The following ANKRD30A variants were observed in gnomAD, a reference collection of about 807,000 sequenced individuals.
ANKRD30A encodes the protein ankyrin repeat domain 30A.
ANKRD30A carries 170 observed loss-of-function variants against 166.3 expected under a neutral mutation model. The observed-to-expected ratio is 1.02, with a 90% CI of 0.90 to 1.16. The LOEUF is 1.16. Among genes scored for constraint, ANKRD30A ranks in the 50% most tolerant of loss-of-function variants. The probability of loss-of-function intolerance (pLI) is 0.00; values close to 1 mark genes in which losing one functional copy is unlikely to be tolerated. For missense variants in ANKRD30A, 1,630 were observed against 1,518.0 expected (o/e 1.07, Z -1.23); for synonymous variants, 564 against 508.9 (o/e 1.11, Z -1.46).
intron 27 of ANKRD30A, among the ~76,000 whole-genome samples, chr10:37,193,601 T>C (rs1472829927): frequency 2.0e-5 from 3 of 152,120 alleles, no homozygotes; most frequent in African/African-American, 4.8e-5. Context: ...ATTGGAATTC[T>C]GATGTTTACT....
At chr10:37,245,026 G>T in the ANKRD30A span, among the ~76,000 whole-genome samples, 1 of 152,132 alleles carries the variant, frequency 6.6e-6, no homozygotes, top group African/African-American at 2.4e-5. Context: ...GCAGAGCAAG[G>T]ATTTTGATTG....
intron 31 of ANKRD30A, among the ~76,000 whole-genome samples, chr10:37,213,522 C>CTGCTTCCA (rs1224256932): frequency 1.3e-5 from 2 of 150,654 alleles, no homozygotes; most frequent in African/African-American, 4.9e-5. Flanking sequence ...TTCCTTTCCT[C>CTGCTTCCA]TGCTTCCACT....
At position 37,136,589 on chromosome 10, in the gene ANKRD30A, T is replaced by A; in HGVS notation, c.756-18T>A. On this transcript the variant is annotated intron_variant, in intron 5 of 35. Coordinates refer to ENST00000361713, the MANE Select transcript of ANKRD30A (RefSeq NM_052997.3). Reference sequence around the variant, plus strand: ...AGTGTTAAAATGGTAATTTTATTTATCACATTTTTATACATAGCATTCATG... The same window carrying A: ...AGTGTTAAAATGGTAATTTTATTTAACACATTTTTATACATAGCATTCATG... 1 of 1,175,636 alleles carries A rather than the reference T, an allele frequency of 8.5e-7. No homozygotes were observed. The highest frequency in any genetic ancestry group is 1.6e-5 in the African/African-American group (1 of 63,436). The allele number at this position is 1,175,636 out of a possible 1,614,324, so 72.8% of individuals were successfully genotyped here. A position where few individuals can be genotyped will look rare whatever the true frequency, so the allele number is the denominator to read the frequency against.
At chr10:37,165,482 T>C (rs1401260758) in intron 18 of ANKRD30A, among the ~76,000 whole-genome samples, 4 of 152,198 alleles carry the variant, frequency 2.6e-5, no homozygotes, top group Non-Finnish European at 4.4e-5. Flanking sequence ...TATGGGCAAA[T>C]ATATGATTCT....
chr10:37,203,988 A>G (rs1036488615), intron 31 of ANKRD30A, among the ~76,000 whole-genome samples: 1 of 152,174 alleles, frequency 6.6e-6, no homozygotes, highest in African/African-American at 2.4e-5. Context: ...GAAATAAAAG[A>G]GGACACAAAC....
chr10:37,125,686 C>A lies in ANKRD30A; in HGVS notation c.-102C>A. 6.6e-6 allele frequency: 3 copies of A among 453,842 alleles called. No individual in the cohort carries two copies. In the South Asian group the frequency reaches 7.4e-5, roughly 11 times the overall value. 28.1% of individuals were successfully genotyped at this position (453,842 alleles called of 1,614,324 possible). On this transcript the variant is annotated 5_prime_UTR_variant, in exon 1 of 36. Coordinates refer to ENST00000361713, the MANE Select transcript of ANKRD30A (RefSeq NM_052997.3). ...ACTTTTTACGGGTATCGAGGCGGTG[C>A]GTGGACTGAAGAAGGGCGAGGGCGA...
intron 34 of ANKRD30A, among the ~76,000 whole-genome samples, chr10:37,225,142 GTTT>G (rs1398529238): frequency 6.6e-6 from 1 of 150,728 alleles, no homozygotes; most frequent in East Asian, 2.0e-4. Flanking sequence ...AATATTAATA[GTTT>G]ATATATAAAA....
At chr10:37,135,445 A>C (rs1328864163) in intron 5 of ANKRD30A, 2 of 152,254 alleles carry the variant, frequency 1.3e-5, no homozygotes, top group Non-Finnish European at 2.9e-5. Context: ...TGTGATTTTC[A>C]TACAAAAAAT....
intron 5 of ANKRD30A, 22 bp downstream of exon 5, chr10:37,134,075 C>A: frequency 6.2e-7 from 1 of 1,610,848 alleles, no homozygotes; most frequent in Non-Finnish European, 8.5e-7. Context: ...CGTTTAGAGG[C>A]TAGGTGAGAT....
At chr10:37,251,560 T>A in the ANKRD30A span, among the ~76,000 whole-genome samples, 1 of 152,146 alleles carries the variant, frequency 6.6e-6, no homozygotes, top group African/African-American at 2.4e-5. Flanking sequence ...CTAAAGTTGC[T>A]AAAGTGGCTT....
chr10:37,221,251 G>T (rs1480534437), intron 34 of ANKRD30A, among the ~76,000 whole-genome samples: 1 of 150,700 alleles, frequency 6.6e-6, no homozygotes. Context: ...ATATATTTGG[G>T]GATATTTTTG....
At chr10:37,157,944 T>A (rs1200882) in intron 13 of ANKRD30A, among the ~76,000 whole-genome samples, 56,459 of 150,956 alleles carry the variant, frequency 0.37, 10,862 homozygotes, top group Admixed American at 0.42. Flanking sequence ...ACATAATAGC[T>A]ACATGTATAT....
At chr10:37,204,867 A>G (rs749532845) in intron 31 of ANKRD30A, among the ~76,000 whole-genome samples, 12 of 152,220 alleles carry the variant, frequency 7.9e-5, no homozygotes, top group Non-Finnish European at 1.6e-4. Flanking sequence ...ATCACCTGTC[A>G]TCAGAGAAAT....
chr10:37,136,144 G>T (rs372994470), intron 5 of ANKRD30A, among the ~76,000 whole-genome samples: 163 of 152,226 alleles, frequency 1.1e-3, no homozygotes, highest in Non-Finnish European at 2.0e-3. Context: ...TTAGGTTCAA[G>T]AACAAATTAT....
At position 37,199,653 on chromosome 10, in the gene ANKRD30A, A is replaced by G. The variant is rs1294221964; in HGVS notation, c.2717-74A>G. 65 of 980,486 alleles carry G rather than the reference A, an allele frequency of 6.6e-5. No homozygotes were observed. The South Asian group carries it at 7.2e-4, about 11-fold the overall frequency. The allele number at this position is 980,486 out of a possible 1,614,324, so 60.7% of individuals were successfully genotyped here. On this transcript the variant is annotated intron_variant, in intron 29 of 35. Coordinates refer to ENST00000361713, the MANE Select transcript of ANKRD30A (RefSeq NM_052997.3). ...GAACCACAGATTCGTGAATGAAAGTAGATTTGTATATGTTTTTAAAATGTA... is the reference window on the plus strand; with the variant it reads ...GAACCACAGATTCGTGAATGAAAGTGGATTTGTATATGTTTTTAAAATGTA...
intron 34 of ANKRD30A, among the ~76,000 whole-genome samples, chr10:37,221,483 T>C (rs1287099980): frequency 6.6e-6 from 1 of 151,216 alleles, no homozygotes; most frequent in Non-Finnish European, 1.5e-5. Flanking sequence ...AAGTATGCAT[T>C]AAATGTAACA....
Position 37,219,678 on chromosome 10 carries a change from A to G in ANKRD30A, c.3966A>G (p.Lys1322=), listed in dbSNP as rs2132744544. Reference sequence around the variant, plus strand: ...AACAGCAGGAGTCTCTAGATCAGAAATTATTTCAACTACAAAGCAAAAATA... The same window carrying G: ...AACAGCAGGAGTCTCTAGATCAGAAGTTATTTCAACTACAAAGCAAAAATA... ...HTEQQESLDQ[K]LFQLQSKNMW... Residue 1322 remains lysine (K), a synonymous_variant, in exon 34 of 36, where the codon AAA becomes AAG. Coordinates refer to ENST00000361713, the MANE Select transcript of ANKRD30A (RefSeq NM_052997.3). 1 of 1,609,620 alleles carries G rather than the reference A, an allele frequency of 6.2e-7. No individual in the cohort carries two copies. Among genetic ancestry groups the G allele is most frequent in the African/African-American group, 1.3e-5 (1 of 74,696 alleles).
rs548586776 is a variant in ANKRD30A, at chr10:37,171,509, T to C, written c.2257+1785T>C. Among the ~76,000 whole-genome samples the C allele has an allele frequency of 4.9e-4, 75 of 151,568 alleles. No homozygotes were observed. In the South Asian group the frequency reaches 0.014, roughly 29 times the overall value. Reference sequence around the variant, plus strand: ...ATTTTAGTTTACACTTTTTAGAAAATATCAGTAAATAGGAGAAATAGGAAA... The same window carrying C: ...ATTTTAGTTTACACTTTTTAGAAAACATCAGTAAATAGGAGAAATAGGAAA... On this transcript the variant is annotated intron_variant, in intron 21 of 35. Transcript: ENST00000361713.
the ANKRD30A span, among the ~76,000 whole-genome samples, chr10:37,260,633 TA>T: frequency 1.3e-5 from 2 of 152,120 alleles, no homozygotes; most frequent in African/African-American, 4.8e-5. Flanking sequence ...TTTAGGAAAA[TA>T]AACAGATCTT....
Sources: gnomAD v4.1 joint callset for allele counts (sites outside exome capture counted in the v4.1 genomes callset) on GRCh38, gnomAD v4.1.1 for gene constraint, MANE v1.5 for transcripts, NCBI Gene and HGNC (gene_info 2026-07-23, HGNC 2026-07-21) for gene names.